CRTC1: variants seen among roughly 807,000 people sequenced by gnomAD.
CRTC1 encodes CREB-regulated transcription coactivator 1.
In CRTC1, 18 loss-of-function variants were observed where a neutral mutation model predicts 66.1. The ratio of observed to expected loss-of-function variants is 0.27; its 90% CI spans 0.19 to 0.40. The LOEUF is 0.40. CRTC1 is among the 10% of genes least tolerant of loss of function. The pLI is 1.00. For synonymous variants in CRTC1, 416 were observed against 398.8 expected, an observed-to-expected ratio of 1.04 and a Z score of -0.51; for missense variants, 669 against 887.9, an observed-to-expected ratio of 0.75 and a Z score of 3.13.
At chr19:18,754,036 G>T (rs1427744109) in intron 6 of CRTC1, among the ~76,000 whole-genome samples, 2 of 151,848 alleles carry the variant, frequency 1.3e-5, no homozygotes, top group African/African-American at 4.8e-5. Context: ...TGGAGGCAGA[G>T]GTTGCACTGA....
chr19:18,728,005 C>A (rs991312826), intron 1 of CRTC1, among the ~76,000 whole-genome samples: 1 of 152,202 alleles, frequency 6.6e-6, no homozygotes, highest in Non-Finnish European at 1.5e-5. Flanking sequence ...GGATTACAGG[C>A]GTGAGCCACC....
chr19:18,749,964 C>A, intron 5 of CRTC1, 89 bp downstream of exon 5: 1 of 1,000,654 alleles, frequency 1.0e-6, no homozygotes, highest in Non-Finnish European at 1.6e-6. Flanking sequence ...AGCTTGTGGG[C>A]AGATGGCTCT....
intron 2 of CRTC1, chr19:18,744,067 A>G: frequency 6.2e-7 from 1 of 1,610,770 alleles, no homozygotes. Flanking sequence ...GGGCCAGGCA[A>G]GGCAGCAGCG....
intron 1 of CRTC1, among the ~76,000 whole-genome samples, chr19:18,691,522 C>CAAAAAAAA (rs60633222): frequency 1.4e-5 from 1 of 72,666 alleles, no homozygotes; most frequent in East Asian, 4.0e-4. Context: ...CCCTTTTCTC[C>CAAAAAAAA]AAAAAAAAAA....
chr19:18,734,657 CACAG>C (rs779316841), intron 1 of CRTC1, among the ~76,000 whole-genome samples: 1 of 152,160 alleles, frequency 6.6e-6, no homozygotes, highest in Non-Finnish European at 1.5e-5. Context: ...CAGCCTGGGC[CACAG>C]ACAAAGACCC....
At chr19:18,684,789 C>T (rs1209952396) in intron 1 of CRTC1, among the ~76,000 whole-genome samples, 1 of 152,140 alleles carries the variant, frequency 6.6e-6, no homozygotes, top group Non-Finnish European at 1.5e-5. Flanking sequence ...AGATACCCTG[C>T]AAATCTCACC....
Position 18,743,129 on chromosome 19 carries a change from C to A in CRTC1, c.243+103C>A, listed in dbSNP as rs574094188. On this transcript the variant is annotated intron_variant, in intron 2 of 13. Coordinates refer to ENST00000321949, the MANE Select transcript of CRTC1 (RefSeq NM_015321.3). ...ACAGCTGGGGTTATCAGACAGTTGG[C>A]GGAGCCCACCCAACCACTGCCTTCT... The A allele has an allele frequency of 2.3e-5, 21 of 902,458 alleles. 1 individual carries two copies. In the South Asian group the frequency reaches 2.9e-4, roughly 12 times the overall value. The allele number at this position is 902,458 out of a possible 1,614,324, so 55.9% of individuals were successfully genotyped here. A position where few individuals can be genotyped will look rare whatever the true frequency, so the allele number is the denominator to read the frequency against.
intron 1 of CRTC1, among the ~76,000 whole-genome samples, chr19:18,740,596 G>T (rs1267408974): frequency 6.6e-6 from 1 of 152,220 alleles, no homozygotes; most frequent in African/African-American, 2.4e-5. Context: ...ATATTCTCCT[G>T]CAGGTCACCT....
chr19:18,692,396 A>G (rs542563116), intron 1 of CRTC1, among the ~76,000 whole-genome samples: 1 of 152,182 alleles, frequency 6.6e-6, no homozygotes, highest in East Asian at 1.9e-4. Context: ...AACAGAAATT[A>G]ATTCCCTCAC....
intron 2 of CRTC1, among the ~76,000 whole-genome samples, chr19:18,745,167 G>A (rs1283222818): frequency 6.6e-6 from 1 of 152,176 alleles, no homozygotes; most frequent in African/African-American, 2.4e-5. Flanking sequence ...GTGCTGGGAG[G>A]AAGCCCCATC....
At chr19:18,751,809 C>G (rs2054370265) in intron 5 of CRTC1, among the ~76,000 whole-genome samples, 1 of 152,132 alleles carries the variant, frequency 6.6e-6, no homozygotes, top group African/African-American at 2.4e-5. Flanking sequence ...GGTTCAGCCA[C>G]TGGGTGTCAG....
At chr19:18,737,025 A>G (rs532180887) in intron 1 of CRTC1, among the ~76,000 whole-genome samples, 123 of 152,218 alleles carry the variant, frequency 8.1e-4, no homozygotes, top group Non-Finnish European at 9.6e-4. Context: ...CCACAGGCGC[A>G]TTATACTGGG....
intron 1 of CRTC1, among the ~76,000 whole-genome samples, chr19:18,695,296 C>T (rs113163322): frequency 0.026 from 3,958 of 152,238 alleles, 168 homozygotes; most frequent in African/African-American, 0.091. Flanking sequence ...TGAGCCACTG[C>T]GCCCGGCCTG....
intron 1 of CRTC1, among the ~76,000 whole-genome samples, chr19:18,706,673 G>A (rs2053273856): frequency 6.6e-6 from 1 of 151,972 alleles, no homozygotes; most frequent in African/African-American, 2.4e-5. Flanking sequence ...TGGATTTTAG[G>A]GTGGATTTTT....
Position 18,747,127 on chromosome 19 carries a change from A to AGGGGGGGGC in CRTC1, c.443+13_443+14insGGGGGGGGC. ...CCAGCTGGAGAAGGTCAGTGGCTGG[A>AGGGGGGGGC]CACCCCCCCCCCGCCCCCTTCTTGT... is the stretch of plus-strand genomic sequence containing the variant. On this transcript the variant is annotated intron_variant, in intron 4 of 13. Transcript: ENST00000321949. The AGGGGGGGGC allele has an allele frequency of 7.2e-7, 1 of 1,391,650 alleles. No homozygotes were observed. The highest frequency in any genetic ancestry group is 9.9e-7 in the Non-Finnish European group (1 of 1,009,558). The allele number at this position is 1,391,650 out of a possible 1,614,324, so 86.2% of individuals were successfully genotyped here.
In CRTC1 at chr19:18,781,746, G is replaced by A; in HGVS notation, c.*4364G>A. The A allele has an allele frequency of 4.3e-6, 1 of 230,826 alleles. No homozygotes were observed. Among genetic ancestry groups the A allele is most frequent in the East Asian group, 6.1e-5 (1 of 16,294 alleles). The allele number at this position is 230,826 out of a possible 1,614,324, so 14.3% of individuals were successfully genotyped here. On this transcript the variant is annotated 3_prime_UTR_variant, in exon 14 of 14. Transcript: ENST00000321949. Reference sequence around the variant, plus strand: ...CTGGGCAGGATGGGGGGCAGGGGCTGGGCCTTGGGGTGGTGCTGGCTCTGA... The same window carrying A: ...CTGGGCAGGATGGGGGGCAGGGGCTAGGCCTTGGGGTGGTGCTGGCTCTGA...
chr19:18,709,874 C>T (rs1312502793), intron 1 of CRTC1, among the ~76,000 whole-genome samples: 1 of 152,188 alleles, frequency 6.6e-6, no homozygotes, highest in African/African-American at 2.4e-5. Context: ...GCCCATCAGT[C>T]CTGCCTCCTC....
intron 1 of CRTC1, among the ~76,000 whole-genome samples, chr19:18,688,426 T>TTTTG (rs567006329): frequency 7.1e-4 from 107 of 151,736 alleles, no homozygotes; most frequent in African/African-American, 1.2e-3. Context: ...TCCCTGCTTG[T>TTTTG]TTTGTTTGTT....
intron 1 of CRTC1, among the ~76,000 whole-genome samples, chr19:18,739,124 G>A (rs2054059640): frequency 6.6e-6 from 1 of 152,228 alleles, no homozygotes; most frequent in Admixed American, 6.5e-5. Context: ...GGGCGCCCTG[G>A]GAGCTGCAGT....
Sources: allele counts gnomAD v4.1 joint callset (sites outside exome capture counted in the v4.1 genomes callset), GRCh38; gene constraint gnomAD v4.1.1; transcripts MANE v1.5; gene names NCBI Gene and HGNC (gene_info 2026-07-23, HGNC 2026-07-21).